The following PRIM2 variants were observed in gnomAD, a reference collection of about 807,000 sequenced individuals.
PRIM2 encodes DNA primase subunit 2, also known as DNA primase large subunit.
A neutral mutation model predicts 67.3 loss-of-function variants in PRIM2; 39 were observed. The observed-to-expected ratio is 0.58, with a 90% confidence interval of 0.45 to 0.76. The LOEUF (loss-of-function observed/expected upper bound fraction) is 0.76, where lower values mean the gene tolerates loss of function less well. Among genes scored for constraint, PRIM2 ranks in the 30% least tolerant of loss-of-function variants. The probability of loss-of-function intolerance (pLI) is 0.00; values close to 1 mark genes in which losing one functional copy is unlikely to be tolerated. For synonymous variants in PRIM2, 143 were observed against 198.7 expected, an observed-to-expected ratio of 0.72 and a Z score of 2.36; for missense variants, 398 against 598.7, an observed-to-expected ratio of 0.66 and a Z score of 3.50.
At chr6:57,418,353 T>C (rs1771339260) in intron 7 of PRIM2, among the ~76,000 whole-genome samples, 1 of 145,144 alleles carries the variant, frequency 6.9e-6, no homozygotes, top group Non-Finnish European at 1.5e-5. Flanking sequence ...GAAGTAGTAA[T>C]GGGATAAGGT....
intron 5 of PRIM2, among the ~76,000 whole-genome samples, chr6:57,373,652 A>G (rs535217550): frequency 6.6e-6 from 1 of 152,130 alleles, no homozygotes; most frequent in South Asian, 2.1e-4. Context: ...TCCAGTTTCG[A>G]TTTTCTATGT....
chr6:57,300,126 G>A, the PRIM2 span, among the ~76,000 whole-genome samples: 1 of 152,196 alleles, frequency 6.6e-6, no homozygotes, highest in Non-Finnish European at 1.5e-5. Flanking sequence ...CTTACAATAT[G>A]GGAGGGACAA....
At chr6:57,508,326 A>T (rs1217455878) in intron 8 of PRIM2, among the ~76,000 whole-genome samples, 1 of 152,104 alleles carries the variant, frequency 6.6e-6, no homozygotes, top group Non-Finnish European at 1.5e-5. Flanking sequence ...ATTTTTATAA[A>T]TATTGTAATA....
chr6:57,314,397 TC>T (rs773507463), upstream of PRIM2, among the ~76,000 whole-genome samples: 1 of 152,154 alleles, frequency 6.6e-6, no homozygotes, highest in South Asian at 2.1e-4. Context: ...GCGCCTGTAA[TC>T]CCAGCTACTC....
At chr6:57,538,649 G>A (rs1387532802) in intron 10 of PRIM2, among the ~76,000 whole-genome samples, 26 of 152,104 alleles carry the variant, frequency 1.7e-4, no homozygotes, top group Non-Finnish European at 3.2e-4. Flanking sequence ...ATAAAATACC[G>A]CAGACTGGTT....
intron 7 of PRIM2, among the ~76,000 whole-genome samples, chr6:57,418,382 G>GGGTTTTTTTTTTTT (rs1771343346): frequency 3.3e-5 from 1 of 30,598 alleles, no homozygotes; most frequent in East Asian, 7.1e-4. Flanking sequence ...CTATGTGTGT[G>GGGTTTTTTTTTTTT]GTTTTTTTTT....
intron 5 of PRIM2, among the ~76,000 whole-genome samples, chr6:57,334,488 T>G (rs567813651): frequency 6.6e-6 from 1 of 152,242 alleles, no homozygotes; most frequent in South Asian, 2.1e-4. Flanking sequence ...ACTTTCATAT[T>G]GTTTTTCATT....
chr6:57,314,093 G>T (rs540255805), upstream of PRIM2, among the ~76,000 whole-genome samples: 1 of 152,326 alleles, frequency 6.6e-6, no homozygotes, highest in South Asian at 2.1e-4. Context: ...ATTCTGGAAG[G>T]AATGTGTATA....
chr6:57,509,832 T>C (rs1251177105), intron 8 of PRIM2, among the ~76,000 whole-genome samples: 4 of 148,908 alleles, frequency 2.7e-5, no homozygotes, highest in Admixed American at 2.0e-4. Flanking sequence ...ATATTTTAAA[T>C]GTATTTAATA....
chr6:57,251,228 T>TA, the PRIM2 span, among the ~76,000 whole-genome samples: 22 of 152,318 alleles, frequency 1.4e-4, no homozygotes, highest in Middle Eastern at 6.8e-3. Flanking sequence ...ACAAGATTTT[T>TA]AAAAAAATCA....
intron 10 of PRIM2, among the ~76,000 whole-genome samples, chr6:57,549,628 G>T (rs1177876256): frequency 6.6e-6 from 1 of 151,838 alleles, no homozygotes; most frequent in Non-Finnish European, 1.5e-5. Flanking sequence ...TTGATAAAGG[G>T]GTTATTCTAT....
chr6:57,317,807 A>G, intron 1 of PRIM2, 106 bp downstream of exon 1: 1 of 153,160 alleles, frequency 6.5e-6, no homozygotes, highest in Non-Finnish European at 1.5e-5. Flanking sequence ...CAGTAGCAGA[A>G]GGACAGACTT....
At chr6:57,600,462 A>G (rs1445973774) in intron 10 of PRIM2, among the ~76,000 whole-genome samples, 4 of 151,886 alleles carry the variant, frequency 2.6e-5, no homozygotes, top group Admixed American at 2.0e-4. Flanking sequence ...AGCCCAAGTG[A>G]TAATTCTGCC....
At chr6:57,435,962 T>C (rs1398863189) in intron 7 of PRIM2, among the ~76,000 whole-genome samples, 1 of 152,254 alleles carries the variant, frequency 6.6e-6, no homozygotes, top group African/African-American at 2.4e-5. Context: ...TGATTTGCCT[T>C]GTCAGCATTT....
chr6:57,549,194 T>A (rs1222863819), intron 10 of PRIM2, among the ~76,000 whole-genome samples: 1 of 152,206 alleles, frequency 6.6e-6, no homozygotes, highest in Non-Finnish European at 1.5e-5. Context: ...AAGGTAAAAT[T>A]TATTCAGGTT....
chr6:57,392,291 A>G (rs1770378074), intron 7 of PRIM2, among the ~76,000 whole-genome samples: 1 of 152,164 alleles, frequency 6.6e-6, no homozygotes, highest in African/African-American at 2.4e-5. Context: ...GGAATTTTCT[A>G]GATATAAAAT....
Position 57,386,443 on chromosome 6 carries a change from CGAAAGAAA to C in PRIM2, c.693+4288_693+4295del, listed in dbSNP as rs763586207. Among the ~76,000 whole-genome samples the C allele has an allele frequency of 6.7e-5, 9 of 134,042 alleles. No individual in the cohort carries two copies. In the East Asian group the frequency reaches 1.3e-3, roughly 19 times the overall value. The allele number at this position is 134,042 out of a possible 152,430, so 87.9% of individuals were successfully genotyped here. A position where few individuals can be genotyped will look rare whatever the true frequency, so the allele number is the denominator to read the frequency against. On this transcript the variant is annotated intron_variant, in intron 7 of 13. Coordinates refer to ENST00000615550, the MANE Select transcript of PRIM2 (RefSeq NM_000947.5). ...AAAAAAAAAAAAAAAAAAAAAAGAA[CGAAAGAAA>C]GAAAGAAAGAAAAGGATTTGTCCTG...
At chr6:57,617,522 C>G (rs1422212094) in intron 12 of PRIM2, among the ~76,000 whole-genome samples, 2 of 152,162 alleles carry the variant, frequency 1.3e-5, no homozygotes, top group Non-Finnish European at 2.9e-5. Flanking sequence ...CGTTGAGCAT[C>G]TTTTTATATG....
intron 8 of PRIM2, 87 bp from the exon 9 acceptor site, chr6:57,532,324 T>C: frequency 2.0e-6 from 1 of 510,544 alleles, no homozygotes; most frequent in South Asian, 4.9e-5. Flanking sequence ...CTTATTTTAA[T>C]CATTTTCAGA....
Sources: allele counts gnomAD v4.1 joint callset (sites outside exome capture counted in the v4.1 genomes callset), GRCh38; gene constraint gnomAD v4.1.1; transcripts MANE v1.5; gene names NCBI Gene and HGNC (gene_info 2026-07-23, HGNC 2026-07-21).